ALPK1: variants seen among roughly 807,000 people sequenced by gnomAD.
ALPK1 encodes the protein alpha kinase 1, also known as alpha-protein kinase 1.
A neutral mutation model predicts 120.6 loss-of-function variants in ALPK1; 110 were observed. That is an observed-to-expected ratio of 0.91 (90% CI 0.78 to 1.07). The LOEUF is 1.07. ALPK1 is among the 50% of genes least tolerant of loss of function. The pLI, the probability that ALPK1 is intolerant of heterozygous loss-of-function variation, is 0.00. For missense variants in ALPK1, 1,498 were observed against 1,483.9 expected, an observed-to-expected ratio of 1.01 and a Z score of -0.16; for synonymous variants, 582 against 560.3, an observed-to-expected ratio of 1.04 and a Z score of -0.55.
At position 112,432,543 on chromosome 4, in the gene ALPK1, C is replaced by A. The variant is rs777614305; in HGVS notation, c.2996C>A (p.Thr999Lys). ...HDWLFQRLEN[T>K]GVFKPSQLHR... is the part of the protein sequence containing the mutation. ...TGGCTGTTTCAGAGACTAGAGAATACGGGGGTTTTTAAGCCCAGTCAACTC... is the reference window on the plus strand; with the variant it reads ...TGGCTGTTTCAGAGACTAGAGAATAAGGGGGTTTTTAAGCCCAGTCAACTC... Residue 999 changes from threonine (T) to lysine (K), a missense_variant, in exon 11 of 16, where the codon ACG becomes AAG. Thr to Lys is a moderately conservative substitution (Grantham distance 78). Coordinates refer to ENST00000650871, the MANE Select transcript of ALPK1 (RefSeq NM_025144.4). 2 of 1,613,824 alleles carry A rather than the reference C, an allele frequency of 1.2e-6. No homozygotes were observed. The highest frequency in any genetic ancestry group is 1.7e-6 in the Non-Finnish European group (2 of 1,180,002).
At chr4:112,439,650 C>T in intron 13 of ALPK1, 36 bp from the exon 14 acceptor site, 1 of 1,556,982 alleles carries the variant, frequency 6.4e-7, no homozygotes. Flanking sequence ...TGGCCTTTAC[C>T]ATTATGCTGT....
chr4:112,358,569 C>T (rs2148715311), intron 2 of ALPK1: 1 of 703,878 alleles, frequency 1.4e-6, no homozygotes, highest in South Asian at 1.5e-5. Context: ...CCAGACCCTG[C>T]CTGGCAGAGG....
intron 2 of ALPK1, chr4:112,357,680 A>G (rs1730704214): frequency 6.3e-6 from 10 of 1,599,450 alleles, no homozygotes. Context: ...AGAGGCCCCG[A>G]CGGAGCCCAG....
In ALPK1 at chr4:112,432,547, G is replaced by A. The variant is rs1332232123; in HGVS notation, c.3000G>A (p.Gly1000=). The change falls in exon 11 of 16, where the codon GGG becomes GGA. Residue 1000 remains glycine, a synonymous_variant. Coordinates refer to ENST00000650871, the MANE Select transcript of ALPK1 (RefSeq NM_025144.4). The stretch of plus-strand genomic sequence containing the variant: ...TGTTTCAGAGACTAGAGAATACGGG[G>A]GTTTTTAAGCCCAGTCAACTCCACC... The part of the protein sequence containing the change: ...DWLFQRLENT[G]VFKPSQLHRA... The A allele has an allele frequency of 6.2e-7, 1 of 1,613,506 alleles. No homozygotes were observed. The highest frequency in any genetic ancestry group is 1.3e-5 in the African/African-American group (1 of 74,868).
chr4:112,396,506 G>A (rs749854540), intron 4 of ALPK1, among the ~76,000 whole-genome samples: 1 of 152,188 alleles, frequency 6.6e-6, no homozygotes, highest in Non-Finnish European at 1.5e-5. Flanking sequence ...TCTGTGCTGA[G>A]TAACCATCCA....
At position 112,441,986 on chromosome 4, in the gene ALPK1, T is replaced by A. The variant is rs981162405; in HGVS notation, c.*776T>A. ...CTGGGTAATTTAGAAAGAAAAGAGG[T>A]TTAATTAACTCACAGTTCCACATGG... is the stretch of plus-strand genomic sequence containing the variant. On this transcript the variant is annotated 3_prime_UTR_variant, in exon 16 of 16. Transcript: ENST00000650871. 1 of 152,530 alleles carries A rather than the reference T, an allele frequency of 6.6e-6. No homozygotes were observed. The highest frequency in any genetic ancestry group is 1.5e-5 in the Non-Finnish European group (1 of 68,422). 9.4% of individuals were successfully genotyped at this position (152,530 alleles called of 1,614,324 possible). A position where few individuals can be genotyped will look rare whatever the true frequency, so the allele number is the denominator to read the frequency against.
At chr4:112,377,049 A>G (rs1731695855) in intron 2 of ALPK1, among the ~76,000 whole-genome samples, 1 of 152,200 alleles carries the variant, frequency 6.6e-6, no homozygotes, top group Non-Finnish European at 1.5e-5. Flanking sequence ...AATTGTATAT[A>G]CGTTAAATGA....
At chr4:112,417,286 T>C (rs562380844) in intron 5 of ALPK1, among the ~76,000 whole-genome samples, 121 of 152,230 alleles carry the variant, frequency 7.9e-4, no homozygotes, top group Non-Finnish European at 1.3e-3. Flanking sequence ...TAAAAAAAGA[T>C]GATGACTAAA....
At chr4:112,360,149 T>C (rs2148716486) in intron 2 of ALPK1, among the ~76,000 whole-genome samples, 1 of 152,268 alleles carries the variant, frequency 6.6e-6, no homozygotes, top group African/African-American at 2.4e-5. Flanking sequence ...TTTTTAGATT[T>C]CACAAATATG....
At position 112,439,796 on chromosome 4, in the gene ALPK1, C is replaced by T; in HGVS notation, c.3462C>T (p.Ala1154=). 1 of 1,613,314 alleles carries T rather than the reference C, an allele frequency of 6.2e-7. No individual in the cohort carries two copies. Among genetic ancestry groups the T allele is most frequent in the Middle Eastern group, 1.7e-4 (1 of 6,014 alleles). ...AAGTGGTGAAAACAGAATACAAAGC[C>T]ACAGAATATGGCTTGGCCTATGGCC... ...NTKVVKTEYK[A]TEYGLAYGHF... is the part of the protein sequence containing the mutation. Residue 1154 remains alanine, a synonymous_variant, in exon 14 of 16, where the codon GCC becomes GCT. Transcript: ENST00000650871.
chr4:112,435,616 T>C lies in ALPK1; in HGVS notation c.3188+315T>C, dbSNP rs989491302. 3.2e-5 allele frequency among the ~76,000 whole-genome samples: 4 copies of C among 123,340 alleles called. No individual in the cohort carries two copies. The Admixed American group carries it at 3.3e-4, about 10-fold the overall frequency. 80.9% of individuals were successfully genotyped at this position (123,340 alleles called of 152,430 possible). On this transcript the variant is annotated intron_variant, in intron 12 of 15. Coordinates refer to ENST00000650871, the MANE Select transcript of ALPK1 (RefSeq NM_025144.4). ...TGACAGGCCAGAGAGCCTTCAATAT[T>C]CACTAAAAATGCTGGCAAAAAAAGG...
intron 2 of ALPK1, among the ~76,000 whole-genome samples, chr4:112,326,547 G>A (rs1178488481): frequency 1.3e-5 from 2 of 152,108 alleles, no homozygotes; most frequent in African/African-American, 4.8e-5. Flanking sequence ...AGAAAGGGAG[G>A]CAGGCTTCCA....
chr4:112,419,817 C>T (rs1733911380), intron 5 of ALPK1, among the ~76,000 whole-genome samples: 1 of 152,152 alleles, frequency 6.6e-6, no homozygotes, highest in East Asian at 1.9e-4. Flanking sequence ...TGCCTTGGTT[C>T]ATATCTTTTG....
chr4:112,382,208 CAGAT>C (rs1731945337), intron 3 of ALPK1, among the ~76,000 whole-genome samples, 186 bp from the exon 4 acceptor site: 1 of 151,824 alleles, frequency 6.6e-6, no homozygotes, highest in Non-Finnish European at 1.5e-5. Context: ...CCACCCCTGA[CAGAT>C]AGCTCCTCAC....
intron 2 of ALPK1, among the ~76,000 whole-genome samples, chr4:112,318,353 G>T (rs113227448): frequency 1.3e-5 from 2 of 152,282 alleles, no homozygotes; most frequent in Non-Finnish European, 2.9e-5. Flanking sequence ...TGAGGAAGTG[G>T]TGTTAACTCC....
At chr4:112,356,901 C>A in intron 2 of ALPK1, 1 of 749,806 alleles carries the variant, frequency 1.3e-6, no homozygotes, top group South Asian at 1.3e-5. Context: ...GTGAAGAAGA[C>A]GTGTGAAGGA....
intron 2 of ALPK1, chr4:112,359,032 A>G: frequency 2.6e-6 from 2 of 764,484 alleles, no homozygotes; most frequent in Non-Finnish European, 4.9e-6. Context: ...CGGCCAGAGC[A>G]CAGCATTCCC....
chr4:112,399,796 C>T (rs573274223), intron 4 of ALPK1, among the ~76,000 whole-genome samples: 48 of 152,012 alleles, frequency 3.2e-4, no homozygotes, highest in African/African-American at 1.1e-3. Flanking sequence ...CCCCTCCCTG[C>T]GTCTATGTGT....
chr4:112,396,501 G>A (rs1446555795), intron 4 of ALPK1, among the ~76,000 whole-genome samples: 1 of 152,194 alleles, frequency 6.6e-6, no homozygotes, highest in Non-Finnish European at 1.5e-5. Context: ...TGCCATCTGT[G>A]CTGAGTAACC....
Sources: gnomAD v4.1 joint callset for allele counts (sites outside exome capture counted in the v4.1 genomes callset) on GRCh38, gnomAD v4.1.1 for gene constraint, MANE v1.5 for transcripts, NCBI Gene and HGNC (gene_info 2026-07-23, HGNC 2026-07-21) for gene names.